The following MBOAT1 variants were observed in gnomAD, a reference collection of about 807,000 sequenced individuals.
The protein encoded by MBOAT1 is membrane-bound glycerophospholipid O-acyltransferase 1.
A neutral mutation model predicts 64.4 loss-of-function variants in MBOAT1; 67 were observed. The ratio of observed to expected loss-of-function variants is 1.04; its 90% confidence interval spans 0.85 to 1.27. The LOEUF is 1.27. MBOAT1 is among the 50% of genes most tolerant of loss of function. The pLI, the probability that MBOAT1 is intolerant of heterozygous loss-of-function variation, is 0.00. For synonymous variants in MBOAT1, 229 were observed against 218.9 expected, an observed-to-expected ratio of 1.05 and a Z score of -0.41; for missense variants, 563 against 604.6, an observed-to-expected ratio of 0.93 and a Z score of 0.72.
intron 3 of MBOAT1, 114 bp from the exon 4 acceptor site, chr6:20,144,429 T>C (rs889485264): frequency 1.1e-5 from 8 of 728,748 alleles, no homozygotes; most frequent in Non-Finnish European, 1.9e-5. Flanking sequence ...CAATGTCCTA[T>C]CTGGTCTGAC....
intron 8 of MBOAT1, among the ~76,000 whole-genome samples, chr6:20,119,598 T>C (rs1470125134): frequency 6.6e-6 from 1 of 152,132 alleles, no homozygotes; most frequent in Non-Finnish European, 1.5e-5. Context: ...TTGGCAGAGA[T>C]GATGATTTAA....
chr6:20,131,113 T>G, intron 5 of MBOAT1, 31 bp downstream of exon 5: 1 of 1,601,244 alleles, frequency 6.2e-7, no homozygotes, highest in Non-Finnish European at 8.6e-7. Context: ...AGGCTCACTC[T>G]GAGAACCAAA....
rs546965262 is a variant in MBOAT1, at chr6:20,120,015, G to GTGTGTGTC, written c.908-1476_908-1475insGACACACA. ...TGTGTGTGTGTGTGTGCGTGTGTGT[G>GTGTGTGTC]TGTGTGTGTTTTCAGTGCTTATTAT... On this transcript the variant is annotated intron_variant, in intron 8 of 12. Transcript: ENST00000324607. 3.8e-3 allele frequency among the ~76,000 whole-genome samples: 574 copies of GTGTGTGTC among 151,732 alleles called. 4 individuals are homozygous for GTGTGTGTC. Among genetic ancestry groups the GTGTGTGTC allele is most frequent in the African/African-American group, 0.013 (544 of 41,356 alleles).
intron 3 of MBOAT1, among the ~76,000 whole-genome samples, chr6:20,148,641 C>T (rs561055946): frequency 1.3e-5 from 2 of 152,134 alleles, no homozygotes; most frequent in Non-Finnish European, 2.9e-5. Context: ...CATGACCAGT[C>T]CAAATTCACA....
chr6:20,181,031 G>A (rs1002709238), intron 1 of MBOAT1, among the ~76,000 whole-genome samples: 1 of 152,206 alleles, frequency 6.6e-6, no homozygotes, highest in Non-Finnish European at 1.5e-5. Context: ...GAGCCAATCA[G>A]TTTCAGGCAG....
intron 3 of MBOAT1, among the ~76,000 whole-genome samples, chr6:20,145,353 T>C (rs2113682904): frequency 6.6e-6 from 1 of 152,350 alleles, no homozygotes; most frequent in South Asian, 2.1e-4. Context: ...GGAATATTAA[T>C]ACATTTCTGT....
chr6:20,128,902 T>C lies in MBOAT1; in HGVS notation c.476-149A>G, dbSNP rs913794342. The C allele has an allele frequency of 2.7e-5, 16 of 593,886 alleles. No individual in the cohort carries two copies. The African/African-American group carries it at 3.0e-4, about 11-fold the overall frequency. The allele number at this position is 593,886 out of a possible 1,614,324, so 36.8% of individuals were successfully genotyped here. On this transcript the variant is annotated intron_variant, in intron 5 of 12. Coordinates refer to ENST00000324607, the MANE Select transcript of MBOAT1 (RefSeq NM_001080480.3). ...GTTCCTGTTTTTCATTTTTTTTTAA[T>C]GCCCTGGACCAAAAGAGCTACCCAT...
intron 1 of MBOAT1, among the ~76,000 whole-genome samples, chr6:20,205,072 A>G (rs1401367814): frequency 6.6e-6 from 1 of 152,042 alleles, no homozygotes; most frequent in Non-Finnish European, 1.5e-5. Context: ...GGTGGTATGC[A>G]CCTTTAGTCC....
At chr6:20,161,739 C>G (rs1400140453) in intron 1 of MBOAT1, among the ~76,000 whole-genome samples, 1 of 152,170 alleles carries the variant, frequency 6.6e-6, no homozygotes, top group Non-Finnish European at 1.5e-5. Flanking sequence ...CAAACGCAGC[C>G]TGAGTTCTCT....
At chr6:20,159,500 C>T (rs973460779) in intron 1 of MBOAT1, among the ~76,000 whole-genome samples, 2 of 152,110 alleles carry the variant, frequency 1.3e-5, no homozygotes, top group African/African-American at 2.4e-5. Flanking sequence ...ACCTAGAAGA[C>T]ATTGTGTTAA....
chr6:20,190,867 G>A (rs1762782843), intron 1 of MBOAT1, among the ~76,000 whole-genome samples: 1 of 152,060 alleles, frequency 6.6e-6, no homozygotes, highest in African/African-American at 2.4e-5. Flanking sequence ...CACCACCAGG[G>A]ACAGGGGACT....
At chr6:20,117,356 G>A (rs1419098265) in intron 9 of MBOAT1, among the ~76,000 whole-genome samples, 1 of 152,084 alleles carries the variant, frequency 6.6e-6, no homozygotes. Flanking sequence ...AATATATGAT[G>A]TAATTTACTT....
At chr6:20,129,331 G>A (rs576280334) in intron 5 of MBOAT1, among the ~76,000 whole-genome samples, 6 of 152,222 alleles carry the variant, frequency 3.9e-5, no homozygotes, top group East Asian at 1.9e-4. Flanking sequence ...TTTATCATTC[G>A]TCCGAATCAG....
intron 1 of MBOAT1, among the ~76,000 whole-genome samples, chr6:20,170,646 C>G (rs1023520296): frequency 6.6e-6 from 1 of 152,184 alleles, no homozygotes; most frequent in Admixed American, 6.5e-5. Context: ...GCTCCTCCCC[C>G]TTAGTCCTTC....
chr6:20,194,958 CTTT>C, intron 1 of MBOAT1, among the ~76,000 whole-genome samples: 1 of 146,434 alleles, frequency 6.8e-6, no homozygotes, highest in South Asian at 2.2e-4. Flanking sequence ...ATAATCTAGA[CTTT>C]TTTTTTTTTA....
intron 1 of MBOAT1, among the ~76,000 whole-genome samples, chr6:20,160,794 A>G (rs1761830815): frequency 6.6e-6 from 1 of 152,154 alleles, no homozygotes; most frequent in Non-Finnish European, 1.5e-5. Context: ...AATACCCTTG[A>G]TTTACTTTAC....
chr6:20,195,029 T>C (rs980756052), intron 1 of MBOAT1, among the ~76,000 whole-genome samples: 3 of 152,064 alleles, frequency 2.0e-5, no homozygotes, highest in Non-Finnish European at 4.4e-5. Context: ...ATGGCTTCAC[T>C]GGAACCTCTG....
chr6:20,174,915 G>C (rs1536582), intron 1 of MBOAT1, among the ~76,000 whole-genome samples: 126,537 of 152,184 alleles, frequency 0.83, 52,752 homozygotes, highest in African/African-American at 0.86. Context: ...ATTTTCACAT[G>C]TGACATTAGG....
chr6:20,109,538 T>G, intron 12 of MBOAT1, 60 bp downstream of exon 12: 1 of 1,572,240 alleles, frequency 6.4e-7, no homozygotes, highest in Non-Finnish European at 8.7e-7. Flanking sequence ...GCCTCCTAAG[T>G]CAAACACAGT....
Sources: allele counts gnomAD v4.1 joint callset (sites outside exome capture counted in the v4.1 genomes callset), GRCh38; gene constraint gnomAD v4.1.1; transcripts MANE v1.5; gene names NCBI Gene and HGNC (gene_info 2026-07-23, HGNC 2026-07-21).